The following GRK5 variants were observed in gnomAD, a reference collection of about 807,000 sequenced individuals.
GRK5 encodes G protein-coupled receptor kinase 5.
A neutral mutation model predicts 78.4 loss-of-function variants in GRK5; 40 were observed. The observed-to-expected ratio is 0.51, with a 90% CI of 0.40 to 0.66. The LOEUF is 0.66. Among genes scored for constraint, GRK5 ranks in the 30% least tolerant of loss-of-function variants. The probability of loss-of-function intolerance (pLI) is 0.00; values close to 1 mark genes in which losing one functional copy is unlikely to be tolerated. For missense variants in GRK5, 598 were observed against 759.9 expected (o/e 0.79, Z 2.50); for synonymous variants, 289 against 296.8 (o/e 0.97, Z 0.27).
At chr10:119,262,424 C>G (rs978413101) in intron 1 of GRK5, among the ~76,000 whole-genome samples, 2 of 150,216 alleles carry the variant, frequency 1.3e-5, no homozygotes, top group Non-Finnish European at 3.0e-5. Flanking sequence ...GCACAACCTC[C>G]GCCTCCCAGA....
In GRK5 at chr10:119,455,908, C is replaced by T. The variant is rs563788058; in HGVS notation, c.*841C>T. ...ATCTAGGTGTTTGCAGCCTGGTGGGCGATGGGCCTCTTTCCTTCTAAGCAG... is the reference window on the plus strand; with the variant it reads ...ATCTAGGTGTTTGCAGCCTGGTGGGTGATGGGCCTCTTTCCTTCTAAGCAG... On this transcript the variant is annotated 3_prime_UTR_variant, in exon 16 of 16. Coordinates refer to ENST00000392870, the MANE Select transcript of GRK5 (RefSeq NM_005308.3). 15 of 153,342 alleles carry T rather than the reference C, an allele frequency of 9.8e-5. No individual in the cohort carries two copies. The highest frequency in any genetic ancestry group is 1.6e-4 in the Non-Finnish European group (11 of 68,990). 9.5% of individuals were successfully genotyped at this position (153,342 alleles called of 1,614,324 possible).
At chr10:119,312,802 T>G (rs1159917685) in intron 1 of GRK5, among the ~76,000 whole-genome samples, 1 of 152,196 alleles carries the variant, frequency 6.6e-6, no homozygotes, top group Admixed American at 6.5e-5. Context: ...TAGGGCATAG[T>G]AGGGTAGAGA....
chr10:119,213,876 C>T (rs1237306679), intron 1 of GRK5, among the ~76,000 whole-genome samples: 2 of 152,148 alleles, frequency 1.3e-5, no homozygotes, highest in Admixed American at 6.5e-5. Context: ...GGACCCAGTG[C>T]GGAGGTGACA....
chr10:119,319,704 A>G (rs1483464540), intron 1 of GRK5, among the ~76,000 whole-genome samples: 1 of 152,224 alleles, frequency 6.6e-6, no homozygotes, highest in Non-Finnish European at 1.5e-5. Flanking sequence ...AATAGCGGTG[A>G]GCCAGTGCCA....
chr10:119,265,742 C>G (rs146182014), intron 1 of GRK5, among the ~76,000 whole-genome samples: 1 of 152,370 alleles, frequency 6.6e-6, no homozygotes, highest in African/African-American at 2.4e-5. Flanking sequence ...TAGTCCTCCT[C>G]TGGAAGGGCG....
intron 6 of GRK5, 40 bp downstream of exon 6, chr10:119,425,125 G>A (rs1161585570): frequency 2.9e-6 from 4 of 1,389,074 alleles, no homozygotes; most frequent in Admixed American, 3.4e-5. Context: ...GGAGGCAGAG[G>A]GTACACATTT....
intron 1 of GRK5, among the ~76,000 whole-genome samples, chr10:119,228,718 G>A (rs1028227343): frequency 3.9e-5 from 6 of 152,190 alleles, no homozygotes; most frequent in Non-Finnish European, 7.3e-5. Flanking sequence ...CCCAGATTAT[G>A]TACAACGAAT....
At chr10:119,239,364 A>G (rs1402537268) in intron 1 of GRK5, among the ~76,000 whole-genome samples, 2 of 151,720 alleles carry the variant, frequency 1.3e-5, no homozygotes, top group Non-Finnish European at 2.9e-5. Flanking sequence ...CCTCCCAAGT[A>G]GCTGGGACTA....
At chr10:119,441,945 C>A in intron 10 of GRK5, 54 bp from the exon 11 acceptor site, 1 of 1,435,224 alleles carries the variant, frequency 7.0e-7, no homozygotes, top group Non-Finnish European at 9.8e-7. Flanking sequence ...CACAGCAAGG[C>A]CGGGTGCCCA....
chr10:119,394,302 C>CTA (rs1851966792), intron 3 of GRK5, among the ~76,000 whole-genome samples: 8 of 37,662 alleles, frequency 2.1e-4, no homozygotes, highest in African/African-American at 6.1e-4. Context: ...ATCTGTGTGT[C>CTA]TGTGTGGGCA....
intron 15 of GRK5, 136 bp downstream of exon 15, chr10:119,453,412 A>G: frequency 1.0e-6 from 1 of 985,566 alleles, no homozygotes; most frequent in African/African-American, 1.6e-5. Context: ...TGGAAGGGCA[A>G]CTGATTATGT....
intron 2 of GRK5, among the ~76,000 whole-genome samples, chr10:119,363,383 T>G (rs1193421891): frequency 2.0e-5 from 3 of 152,136 alleles, no homozygotes; most frequent in African/African-American, 7.2e-5. Context: ...TAGGTCATAC[T>G]ATTATTATTT....
At chr10:119,365,809 G>A (rs947181096) in intron 2 of GRK5, among the ~76,000 whole-genome samples, 29 of 152,228 alleles carry the variant, frequency 1.9e-4, no homozygotes, top group African/African-American at 7.0e-4. Flanking sequence ...AAAGGATGAG[G>A]ATGTCAGTGC....
chr10:119,294,347 G>A (rs760310403), intron 1 of GRK5, among the ~76,000 whole-genome samples: 10 of 152,140 alleles, frequency 6.6e-5, no homozygotes, highest in Non-Finnish European at 1.2e-4. Context: ...TTGGTTAGAC[G>A]TGTCCCCCCA....
At chr10:119,256,939 G>C (rs1285986722) in intron 1 of GRK5, among the ~76,000 whole-genome samples, 2 of 152,102 alleles carry the variant, frequency 1.3e-5, no homozygotes, top group African/African-American at 4.8e-5. Flanking sequence ...GGTTGTCTCT[G>C]GATTTATCTA....
chr10:119,232,033 T>A (rs745763790), intron 1 of GRK5, among the ~76,000 whole-genome samples: 12 of 152,218 alleles, frequency 7.9e-5, no homozygotes, highest in African/African-American at 2.9e-4. Context: ...TGCACCCCCA[T>A]GTTTATTGCA....
intron 1 of GRK5, among the ~76,000 whole-genome samples, chr10:119,240,189 C>CCTT (rs1849000705): frequency 1.4e-5 from 1 of 70,112 alleles, no homozygotes; most frequent in Non-Finnish European, 2.7e-5. Flanking sequence ...TGTTTCCCGA[C>CCTT]TTTTTTTTTT....
chr10:119,451,572 C>A (rs1042113710), intron 13 of GRK5, among the ~76,000 whole-genome samples: 1 of 152,226 alleles, frequency 6.6e-6, no homozygotes, highest in African/African-American at 2.4e-5. Context: ...TAAAAGTCCG[C>A]TGAGTTCCAC....
chr10:119,257,690 C>T (rs1455963546), intron 1 of GRK5, among the ~76,000 whole-genome samples: 1 of 152,146 alleles, frequency 6.6e-6, no homozygotes, highest in Admixed American at 6.6e-5. Flanking sequence ...TGCCATTGAA[C>T]TCCAGCTTGG....
Sources: gnomAD v4.1 joint callset for allele counts (sites outside exome capture counted in the v4.1 genomes callset) on GRCh38, gnomAD v4.1.1 for gene constraint, MANE v1.5 for transcripts, NCBI Gene and HGNC (gene_info 2026-07-23, HGNC 2026-07-21) for gene names.